Variants in SH3GL2 observed in about 807,000 individuals in gnomAD.
The protein encoded by SH3GL2 is endophilin-A1.
SH3GL2 carries 24 observed loss-of-function variants against 46.0 expected under a neutral mutation model. The observed-to-expected ratio is 0.52, with a 90% CI of 0.38 to 0.73. The LOEUF (loss-of-function observed/expected upper bound fraction) is 0.73, where lower values mean the gene tolerates loss of function less well. Among genes scored for constraint, SH3GL2 ranks in the 30% least tolerant of loss-of-function variants. The pLI, the probability that SH3GL2 is intolerant of heterozygous loss-of-function variation, is 0.00. For synonymous variants in SH3GL2, 196 were observed against 147.1 expected, an observed-to-expected ratio of 1.33 and a Z score of -2.40; for missense variants, 413 against 424.2, an observed-to-expected ratio of 0.97 and a Z score of 0.23.
At chr9:17,766,460 T>C (rs1249785588) in intron 3 of SH3GL2, among the ~76,000 whole-genome samples, 1 of 152,228 alleles carries the variant, frequency 6.6e-6, no homozygotes, top group Admixed American at 6.5e-5. Context: ...TATAACTCAG[T>C]TTTCTTTACA....
At chr9:17,725,669 G>A (rs747191741) in intron 1 of SH3GL2, among the ~76,000 whole-genome samples, 1 of 152,118 alleles carries the variant, frequency 6.6e-6, no homozygotes, top group African/African-American at 2.4e-5. Context: ...TACCCTGTGA[G>A]TGAGCTGGGG....
chr9:17,675,600 T>C (rs182846055), intron 1 of SH3GL2, among the ~76,000 whole-genome samples: 2 of 152,338 alleles, frequency 1.3e-5, no homozygotes, highest in South Asian at 2.1e-4. Context: ...CTTAAGGATG[T>C]AGACATGCTG....
At chr9:17,595,556 C>G (rs1323299460) in intron 1 of SH3GL2, among the ~76,000 whole-genome samples, 1 of 152,118 alleles carries the variant, frequency 6.6e-6, no homozygotes, top group African/African-American at 2.4e-5. Flanking sequence ...AAACTATTCA[C>G]AGAATATAAA....
rs1588244715 is a variant in SH3GL2 at position 17,691,905 on chromosome 9, T to C, written c.46-55161T>C. Among the ~76,000 whole-genome samples the C allele has an allele frequency of 2.6e-5, 4 of 152,168 alleles. No individual in the cohort carries two copies. In the South Asian group the frequency reaches 8.3e-4, roughly 32 times the overall value. ...CTGCCTGATGTTCTTTGAGAGTACA[T>C]ACTGAAAAGTTTTTTTCAGCCAACA... On this transcript the variant is annotated intron_variant, in intron 1 of 8. Coordinates refer to ENST00000380607, the MANE Select transcript of SH3GL2 (RefSeq NM_003026.5).
intron 1 of SH3GL2, among the ~76,000 whole-genome samples, chr9:17,598,135 T>C (rs939049602): frequency 7.9e-5 from 12 of 152,150 alleles, no homozygotes; most frequent in African/African-American, 2.9e-4. Context: ...CTTTTCAGTA[T>C]GTAGAAAGGT....
chr9:17,688,177 C>A (rs1209065222), intron 1 of SH3GL2, among the ~76,000 whole-genome samples: 3 of 151,936 alleles, frequency 2.0e-5, no homozygotes, highest in African/African-American at 7.2e-5. Flanking sequence ...TCGAGGTGTA[C>A]CAAGATTATC....
chr9:17,777,156 A>C (rs1471172338), intron 3 of SH3GL2, among the ~76,000 whole-genome samples: 1 of 152,184 alleles, frequency 6.6e-6, no homozygotes, highest in African/African-American at 2.4e-5. Context: ...TAAAGCATTT[A>C]GTCAGTAAAA....
intron 1 of SH3GL2, among the ~76,000 whole-genome samples, chr9:17,674,725 T>G (rs977077917): frequency 6.6e-6 from 1 of 152,168 alleles, no homozygotes; most frequent in Non-Finnish European, 1.5e-5. Context: ...ATGACCTTAC[T>G]CACATCTCTG....
chr9:17,654,325 C>T (rs1222611310), intron 1 of SH3GL2, among the ~76,000 whole-genome samples: 1 of 152,144 alleles, frequency 6.6e-6, no homozygotes, highest in Non-Finnish European at 1.5e-5. Flanking sequence ...GTTTTCTGTG[C>T]TGCTTCCCCT....
chr9:17,775,102 T>A (rs548485435), intron 3 of SH3GL2, among the ~76,000 whole-genome samples: 1 of 152,308 alleles, frequency 6.6e-6, no homozygotes, highest in South Asian at 2.1e-4. Context: ...TAATCTTATT[T>A]ACTTGTGTAG....
intron 1 of SH3GL2, among the ~76,000 whole-genome samples, chr9:17,680,974 A>T (rs1820752123): frequency 6.6e-6 from 1 of 151,876 alleles, no homozygotes; most frequent in East Asian, 1.9e-4. Flanking sequence ...TTCTAGTTTG[A>T]TTTTACTGTG....
At chr9:17,587,555 A>G (rs972156053) in intron 1 of SH3GL2, among the ~76,000 whole-genome samples, 3 of 152,146 alleles carry the variant, frequency 2.0e-5, no homozygotes, top group Non-Finnish European at 2.9e-5. Flanking sequence ...TCCATGGTAG[A>G]TTTGAGTAAT....
chr9:17,646,627 C>T (rs1003265445), intron 1 of SH3GL2, among the ~76,000 whole-genome samples: 1 of 152,154 alleles, frequency 6.6e-6, no homozygotes, highest in Non-Finnish European at 1.5e-5. Flanking sequence ...TTCTAACAGA[C>T]CTGTCTTCTG....
rs145306245 is a variant in SH3GL2 at position 17,663,863 on chromosome 9, A to G, written c.46-83203A>G. Reference sequence around the variant, plus strand: ...AAATTGAAAAATATCTATTGGAATAACATGAATTAAAGACTTGTCACTTCA... The same window carrying G: ...AAATTGAAAAATATCTATTGGAATAGCATGAATTAAAGACTTGTCACTTCA... On this transcript the variant is annotated intron_variant, in intron 1 of 8. Coordinates refer to ENST00000380607, the MANE Select transcript of SH3GL2 (RefSeq NM_003026.5). Among the ~76,000 whole-genome samples the G allele has an allele frequency of 7.2e-3, 1,091 of 152,302 alleles. 4 individuals are homozygous for G. Among genetic ancestry groups the G allele is most frequent in the Non-Finnish European group, 0.011 (751 of 68,020 alleles).
At chr9:17,751,751 A>G (rs1822854208) in intron 2 of SH3GL2, among the ~76,000 whole-genome samples, 3 of 152,102 alleles carry the variant, frequency 2.0e-5, no homozygotes, top group Non-Finnish European at 4.4e-5. Context: ...GTAGAGTTTC[A>G]GCTGGAATGC....
Position 17,587,771 on chromosome 9 carries a change from G to T in SH3GL2, c.45+8484G>T, listed in dbSNP as rs982478294. Among the ~76,000 whole-genome samples, 14 of 152,162 alleles carry T rather than the reference G, an allele frequency of 9.2e-5. No homozygotes were observed. In the South Asian group the frequency reaches 1.0e-3, roughly 11 times the overall value. On this transcript the variant is annotated intron_variant, in intron 1 of 8. Coordinates refer to ENST00000380607, the MANE Select transcript of SH3GL2 (RefSeq NM_003026.5). Reference sequence around the variant, plus strand: ...CCTACGCCTGTAGTCCCAGCTACTCGGGAGGCTGAAGCTTGAACCTGGGAG... The same window carrying T: ...CCTACGCCTGTAGTCCCAGCTACTCTGGAGGCTGAAGCTTGAACCTGGGAG...
chr9:17,580,073 T>A (rs770840792), intron 1 of SH3GL2, among the ~76,000 whole-genome samples: 3 of 152,226 alleles, frequency 2.0e-5, no homozygotes, highest in Non-Finnish European at 2.9e-5. Flanking sequence ...TAAAACTGAT[T>A]AATTTAGATT....
intron 1 of SH3GL2, among the ~76,000 whole-genome samples, chr9:17,680,897 C>T (rs1414733042): frequency 6.6e-6 from 1 of 152,108 alleles, no homozygotes; most frequent in African/African-American, 2.4e-5. Flanking sequence ...ACCCAGTAGT[C>T]ATTCAGGAGC....
chr9:17,666,296 A>C (rs28656322), intron 1 of SH3GL2, among the ~76,000 whole-genome samples: 21,461 of 151,824 alleles, frequency 0.14, 1,866 homozygotes, highest in African/African-American at 0.22. Context: ...TTCCTTCACC[A>C]ATGCTTGTTG....
Sources: gnomAD v4.1 joint callset for allele counts (sites outside exome capture counted in the v4.1 genomes callset) on GRCh38, gnomAD v4.1.1 for gene constraint, MANE v1.5 for transcripts, NCBI Gene and HGNC (gene_info 2026-07-23, HGNC 2026-07-21) for gene names.